The following CNTN5 variants were observed in gnomAD, a reference collection of about 807,000 sequenced individuals.
The protein encoded by CNTN5 is contactin-5.
CNTN5 carries 77 observed loss-of-function variants against 129.1 expected under a neutral mutation model. The observed-to-expected ratio is 0.60, with a 90% CI of 0.50 to 0.72. The LOEUF (loss-of-function observed/expected upper bound fraction) is 0.72. CNTN5 is among the 30% of genes least tolerant of loss of function. The pLI is 0.00. For synonymous variants in CNTN5, 509 were observed against 465.6 expected, an observed-to-expected ratio of 1.09 and a Z score of -1.20; for missense variants, 1,478 against 1,328.8, an observed-to-expected ratio of 1.11 and a Z score of -1.75.
intron 2 of CNTN5, among the ~76,000 whole-genome samples, chr11:99,467,412 G>A (rs546352378): frequency 1.3e-5 from 2 of 152,056 alleles, no homozygotes; most frequent in South Asian, 2.1e-4. Context: ...TTCTCCTATG[G>A]TGCTAGTTAC....
intron 9 of CNTN5, among the ~76,000 whole-genome samples, chr11:100,014,254 A>G (rs939824654): frequency 2.6e-5 from 4 of 152,170 alleles, no homozygotes; most frequent in Non-Finnish European, 4.4e-5. Context: ...CCCTCTGCAT[A>G]ACAGCAGTAT....
chr11:100,320,521 G>A (rs1951668606), intron 21 of CNTN5, among the ~76,000 whole-genome samples: 1 of 151,870 alleles, frequency 6.6e-6, no homozygotes, highest in South Asian at 2.1e-4. Context: ...TGTGGCTTTT[G>A]CTGTGCAAAA....
intron 8 of CNTN5, among the ~76,000 whole-genome samples, chr11:99,961,982 ATAGT>A (rs1950958901): frequency 9.0e-6 from 1 of 110,926 alleles, no homozygotes; most frequent in Non-Finnish European, 1.9e-5. Context: ...ATAGATAGAT[ATAGT>A]TATATATACA....
In CNTN5 at chr11:99,670,347, C is replaced by T. The variant is rs1041205427; in HGVS notation, c.55+114078C>T. On this transcript the variant is annotated intron_variant, in intron 3 of 24. Transcript: ENST00000524871. ...CATTGAAGAATTATGACCCTTTTGT[C>T]TCCTTGAAAAACTAGGAGTCATCCA... Among the ~76,000 whole-genome samples the T allele has an allele frequency of 2.0e-5, 3 of 152,084 alleles. No individual in the cohort carries two copies. In the East Asian group the frequency reaches 5.8e-4, roughly 29 times the overall value.
intron 2 of CNTN5, among the ~76,000 whole-genome samples, chr11:99,478,332 G>T (rs1476801903): frequency 6.6e-6 from 1 of 152,064 alleles, no homozygotes; most frequent in Non-Finnish European, 1.5e-5. Context: ...GAGGGTCTTT[G>T]GCTGGGGGCC....
chr11:99,946,771 C>CT (rs1950561765), intron 7 of CNTN5, among the ~76,000 whole-genome samples: 1 of 149,764 alleles, frequency 6.7e-6, no homozygotes, highest in South Asian at 2.1e-4. Flanking sequence ...GATATACTTT[C>CT]TTTTTTATGT....
rs1340750249 is a variant in CNTN5, at chr11:99,845,163, A to G, written c.478A>G (p.Ser160Gly). ...TTTGATAGATGGCACCTTCATTATA[A>G]GCAATCCAAGTGAAGCAAAGGATTC... ...YSLIDGTFII[S>G]NPSEAKDSGH... Residue 160 changes from serine to glycine, a missense_variant, in exon 6 of 25, where the codon AGC becomes GGC. Transcript: ENST00000524871. The G allele has an allele frequency of 5.0e-6, 8 of 1,613,788 alleles. No individual in the cohort carries two copies. Among genetic ancestry groups the G allele is most frequent in the South Asian group, 2.2e-5 (2 of 91,080 alleles).
chr11:99,339,912 G>GAA (rs146793097), intron 2 of CNTN5, among the ~76,000 whole-genome samples: 2 of 149,414 alleles, frequency 1.3e-5, no homozygotes, highest in Non-Finnish European at 1.5e-5. Flanking sequence ...TCATTTTTTA[G>GAA]AAAAAAAAAA....
intron 1 of CNTN5, among the ~76,000 whole-genome samples, chr11:99,251,509 T>G (rs550769188): frequency 7.2e-5 from 11 of 152,032 alleles, no homozygotes; most frequent in African/African-American, 2.6e-4. Context: ...ATACTCAATT[T>G]ACCTAGTAAT....
chr11:99,304,866 G>A (rs1386799597), intron 1 of CNTN5, among the ~76,000 whole-genome samples: 2 of 152,234 alleles, frequency 1.3e-5, no homozygotes, highest in Non-Finnish European at 2.9e-5. Flanking sequence ...GACTCCCTAC[G>A]AGTTGTGACT....
chr11:100,181,687 A>G (rs1948143267), intron 13 of CNTN5, among the ~76,000 whole-genome samples: 1 of 152,084 alleles, frequency 6.6e-6, no homozygotes, highest in South Asian at 2.1e-4. Context: ...AGGAAAGCAT[A>G]GAAGGAATCT....
intron 18 of CNTN5, among the ~76,000 whole-genome samples, chr11:100,273,564 A>G (rs1190092740): frequency 6.6e-6 from 1 of 152,132 alleles, no homozygotes; most frequent in African/African-American, 2.4e-5. Flanking sequence ...TGCAGAGCAG[A>G]GAAGGCACCC....
At chr11:99,614,972 T>C (rs1308084633) in intron 3 of CNTN5, among the ~76,000 whole-genome samples, 1 of 151,230 alleles carries the variant, frequency 6.6e-6, no homozygotes, top group Non-Finnish European at 1.5e-5. Context: ...CATGTGTGTG[T>C]AGGTAGGTAG....
At position 99,615,064 on chromosome 11, in the gene CNTN5, C is replaced by T. The variant is rs563616330; in HGVS notation, c.55+58795C>T. Among the ~76,000 whole-genome samples, 758 of 143,700 alleles carry T rather than the reference C, an allele frequency of 5.3e-3. 7 individuals are homozygous for T. The highest frequency in any genetic ancestry group is 0.018 in the African/African-American group (719 of 39,782). 94.3% of individuals were successfully genotyped at this position (143,700 alleles called of 152,430 possible). On this transcript the variant is annotated intron_variant, in intron 3 of 24. Coordinates refer to ENST00000524871, the MANE Select transcript of CNTN5 (RefSeq NM_014361.4). ...TATATAACAATATAATGGTATATAT[C>T]ATAAATATATAAAAATATATATTAT...
rs79622433 is a variant in CNTN5, at chr11:99,851,886, A to G, written c.577+6624A>G. Among the ~76,000 whole-genome samples the G allele has an allele frequency of 6.6e-3, 1,006 of 152,282 alleles. 10 individuals are homozygous for G. The highest frequency in any genetic ancestry group is 0.023 in the African/African-American group (942 of 41,552). Reference sequence around the variant, plus strand: ...GCTTTTTTCATAACTTTTTCTCCTAAGGTAAAATTGACCTTAGAGTTTAAA... The same window carrying G: ...GCTTTTTTCATAACTTTTTCTCCTAGGGTAAAATTGACCTTAGAGTTTAAA... On this transcript the variant is annotated intron_variant, in intron 6 of 24. Coordinates refer to ENST00000524871, the MANE Select transcript of CNTN5 (RefSeq NM_014361.4).
intron 1 of CNTN5, among the ~76,000 whole-genome samples, chr11:99,215,538 G>A (rs1181617746): frequency 2.6e-5 from 4 of 152,106 alleles, no homozygotes; most frequent in African/African-American, 9.7e-5. Context: ...GGATTGTGGT[G>A]CCATTTATTG....
intron 2 of CNTN5, among the ~76,000 whole-genome samples, chr11:99,551,461 C>A (rs901130891): frequency 6.6e-6 from 1 of 152,108 alleles, no homozygotes; most frequent in East Asian, 1.9e-4. Context: ...AAATTAGCTT[C>A]ATCAATAAGA....
intron 3 of CNTN5, among the ~76,000 whole-genome samples, chr11:99,608,188 T>A (rs1950486920): frequency 6.6e-6 from 1 of 152,064 alleles, no homozygotes; most frequent in Admixed American, 6.6e-5. Flanking sequence ...TGCTGAAAAG[T>A]CATAATTTTC....
chr11:99,825,021 ATC>A (rs1946910418), intron 4 of CNTN5, among the ~76,000 whole-genome samples: 1 of 152,034 alleles, frequency 6.6e-6, no homozygotes, highest in Non-Finnish European at 1.5e-5. Flanking sequence ...AGCCCTATCA[ATC>A]TGTTACTGTT....
Sources: allele counts gnomAD v4.1 joint callset (sites outside exome capture counted in the v4.1 genomes callset), GRCh38; gene constraint gnomAD v4.1.1; transcripts MANE v1.5; gene names NCBI Gene and HGNC (gene_info 2026-07-23, HGNC 2026-07-21).